Variants in ACVR1 observed in about 807,000 individuals in gnomAD.
The protein encoded by ACVR1 is activin receptor type-1.
Under a neutral mutation model 57.1 loss-of-function variants are expected in ACVR1, and 38 were observed. The ratio of observed to expected loss-of-function variants is 0.67; its 90% CI spans 0.51 to 0.87. The LOEUF is 0.87. Among genes scored for constraint, ACVR1 ranks in the 40% least tolerant of loss-of-function variants. The probability of loss-of-function intolerance (pLI) is 0.00; values close to 1 mark genes in which losing one functional copy is unlikely to be tolerated. For synonymous variants in ACVR1, 212 were observed against 228.1 expected (o/e 0.93, Z 0.63); for missense variants, 463 against 638.2 (o/e 0.73, Z 2.96).
chr2:157,747,139 G>A (rs533222106), intron 9 of ACVR1, among the ~76,000 whole-genome samples: 1 of 152,180 alleles, frequency 6.6e-6, no homozygotes, highest in Admixed American at 6.5e-5. Flanking sequence ...ATATTTAAAT[G>A]AGATACATTT....
At chr2:157,774,891 T>TG (rs3835769) in intron 5 of ACVR1, among the ~76,000 whole-genome samples, 3,498 of 150,912 alleles carry the variant, frequency 0.023, 58 homozygotes, top group Non-Finnish European at 0.034. Context: ...CAGAAAAGGG[T>TG]GGGGGGGGTC....
chr2:157,762,822 C>T (rs184374430), intron 8 of ACVR1, among the ~76,000 whole-genome samples: 1 of 152,246 alleles, frequency 6.6e-6, no homozygotes, highest in Admixed American at 6.5e-5. Flanking sequence ...GGAGAGGTCC[C>T]CCTGCAAGGA....
At chr2:157,749,482 T>A (rs1045816080) in intron 9 of ACVR1, among the ~76,000 whole-genome samples, 4 of 152,200 alleles carry the variant, frequency 2.6e-5, no homozygotes, top group Admixed American at 1.3e-4. Flanking sequence ...GTGCAAAAAC[T>A]GAGACTTTTC....
At chr2:157,797,246 TATGAA>T (rs1559062656) in intron 3 of ACVR1, among the ~76,000 whole-genome samples, 2 of 152,200 alleles carry the variant, frequency 1.3e-5, no homozygotes, top group East Asian at 1.9e-4. Context: ...GATCAAATAT[TATGAA>T]CCTAATATAT....
intron 2 of ACVR1, among the ~76,000 whole-genome samples, chr2:157,812,688 G>T (rs906754821): frequency 2.0e-5 from 3 of 152,084 alleles, no homozygotes; most frequent in Non-Finnish European, 4.4e-5. Flanking sequence ...GCCCAGGTTG[G>T]TACATTACAA....
chr2:157,765,809 T>C, intron 8 of ACVR1, 112 bp downstream of exon 8: 2 of 1,109,526 alleles, frequency 1.8e-6, no homozygotes, highest in South Asian at 1.4e-5. Context: ...ATGTTCAACT[T>C]TTCTGCATGT....
intron 1 of ACVR1, among the ~76,000 whole-genome samples, chr2:157,845,875 A>T (rs1689113385): frequency 6.6e-6 from 1 of 152,254 alleles, no homozygotes; most frequent in East Asian, 1.9e-4. Context: ...TTCAGCAAAG[A>T]AATAAAATGT....
intron 4 of ACVR1, 102 bp downstream of exon 4, chr2:157,780,235 G>A: frequency 6.6e-7 from 1 of 1,522,458 alleles, no homozygotes; most frequent in Non-Finnish European, 9.1e-7. Flanking sequence ...GATTCAAAAT[G>A]TAGGTGGAAT....
At chr2:157,830,733 CAAAAA>C (rs10711957) in intron 1 of ACVR1, among the ~76,000 whole-genome samples, 3 of 136,716 alleles carry the variant, frequency 2.2e-5, no homozygotes, top group Non-Finnish European at 3.2e-5. Context: ...TTTGTTTCAC[CAAAAA>C]AAAAAAAAAA....
chr2:157,739,496 C>T (rs1391863908), intron 9 of ACVR1, among the ~76,000 whole-genome samples: 1 of 152,186 alleles, frequency 6.6e-6, no homozygotes, highest in Non-Finnish European at 1.5e-5. Context: ...AAAACCAAGA[C>T]ATCTATTATT....
At chr2:157,859,871 C>T (rs1023840859) in intron 1 of ACVR1, among the ~76,000 whole-genome samples, 2 of 151,930 alleles carry the variant, frequency 1.3e-5, no homozygotes, top group Non-Finnish European at 1.5e-5. Context: ...TTTTAATGGT[C>T]GTTTTTTGTA....
At chr2:157,783,879 G>A (rs764578291) in intron 3 of ACVR1, among the ~76,000 whole-genome samples, 2 of 152,022 alleles carry the variant, frequency 1.3e-5, no homozygotes, top group Non-Finnish European at 2.9e-5. Flanking sequence ...TATAAATGAA[G>A]ACCCTAAATT....
In ACVR1 at chr2:157,851,932, G is replaced by T. The variant is rs1350234908; in HGVS notation, c.-183+23864C>A. On this transcript the variant is annotated intron_variant, in intron 1 of 10. Coordinates refer to ENST00000434821, the MANE Select transcript of ACVR1 (RefSeq NM_001111067.4). ...ACACCACCCCCACCCCACCCGCCCA[G>T]TCCTGGCATTTGGTAGGCACTTCCG... 5.8e-5 allele frequency among the ~76,000 whole-genome samples: 4 copies of T among 69,026 alleles called. 1 individual carries two copies. The highest frequency in any genetic ancestry group is 2.6e-4 in the African/African-American group (4 of 15,550). The allele number at this position is 69,026 out of a possible 152,430, so 45.3% of individuals were successfully genotyped here.
chr2:157,801,768 C>T (rs1687336345), intron 2 of ACVR1, among the ~76,000 whole-genome samples: 1 of 152,090 alleles, frequency 6.6e-6, no homozygotes, highest in South Asian at 2.1e-4. Flanking sequence ...CCAATTTACA[C>T]ATTGAGGGTG....
intron 9 of ACVR1, among the ~76,000 whole-genome samples, chr2:157,749,997 T>A (rs981882734): frequency 6.6e-6 from 1 of 152,144 alleles, no homozygotes; most frequent in Admixed American, 6.5e-5. Flanking sequence ...CTGGTGTGTG[T>A]GTATACCTTC....
chr2:157,872,009 C>A (rs1188137183), intron 1 of ACVR1, among the ~76,000 whole-genome samples: 1 of 152,178 alleles, frequency 6.6e-6, no homozygotes, highest in East Asian at 1.9e-4. Context: ...CTTAACATGG[C>A]AAGCAAGAGC....
intron 1 of ACVR1, among the ~76,000 whole-genome samples, chr2:157,842,193 G>T (rs1257748377): frequency 6.6e-6 from 1 of 152,124 alleles, no homozygotes; most frequent in Admixed American, 6.6e-5. Context: ...CTTGGAAAAG[G>T]TCTTTATACC....
rs1289390376 is a variant in ACVR1 at position 157,818,817 on chromosome 2, G to A, written c.-182-258C>T. ...AGATCGGCCGGGCGCGGTGGCTCAC[G>A]CCTGTAATCCCAGCACTTTGGGAGG... On this transcript the variant is annotated intron_variant, in intron 1 of 10. Transcript: ENST00000434821. 3.9e-5 allele frequency among the ~76,000 whole-genome samples: 6 copies of A among 152,138 alleles called. No individual in the cohort carries two copies. The East Asian group carries it at 9.7e-4, about 25-fold the overall frequency.
chr2:157,829,983 C>G (rs1688524840), intron 1 of ACVR1, among the ~76,000 whole-genome samples: 1 of 152,146 alleles, frequency 6.6e-6, no homozygotes, highest in Non-Finnish European at 1.5e-5. Flanking sequence ...GTCTGGGAAG[C>G]CAAGGCAGGT....
Sources: gnomAD v4.1 joint callset for allele counts (sites outside exome capture counted in the v4.1 genomes callset) on GRCh38, gnomAD v4.1.1 for gene constraint, MANE v1.5 for transcripts, NCBI Gene and HGNC (gene_info 2026-07-23, HGNC 2026-07-21) for gene names.